Variants in HECTD4 observed in about 807,000 individuals in gnomAD.
The protein encoded by HECTD4 is probable E3 ubiquitin-protein ligase HECTD4.
In HECTD4, 114 loss-of-function variants were observed where a neutral mutation model predicts 471.5. The observed-to-expected ratio is 0.24, with a 90% confidence interval of 0.21 to 0.28. The LOEUF (loss-of-function observed/expected upper bound fraction) is 0.28, where lower values mean the gene tolerates loss of function less well. Among genes scored for constraint, HECTD4 ranks in the 10% least tolerant of loss-of-function variants. The pLI is 1.00. For missense variants in HECTD4, 3,866 were observed against 5,651.5 expected, an observed-to-expected ratio of 0.68 and a Z score of 10.13; for synonymous variants, 2,012 against 2,256.0, an observed-to-expected ratio of 0.89 and a Z score of 3.07.
At chr12:112,313,298 T>C (rs2035407277) in intron 3 of HECTD4, among the ~76,000 whole-genome samples, 151 bp from the exon 4 acceptor site, 1 of 151,900 alleles carries the variant, frequency 6.6e-6, no homozygotes, top group Non-Finnish European at 1.5e-5. Context: ...ACATTTATAG[T>C]ATTTTTATTT....
chr12:112,370,004 C>T (rs1025700583), intron 1 of HECTD4, among the ~76,000 whole-genome samples: 1 of 152,104 alleles, frequency 6.6e-6, no homozygotes, highest in African/African-American at 2.4e-5. Flanking sequence ...AGGGACTTTG[C>T]AGATGTGATT....
chr12:112,209,379 T>G (rs528833002), intron 50 of HECTD4, among the ~76,000 whole-genome samples: 2 of 150,290 alleles, frequency 1.3e-5, no homozygotes, highest in African/African-American at 2.5e-5. Context: ...CAGGCTGGAG[T>G]GCAATGGCAC....
intron 38 of HECTD4, among the ~76,000 whole-genome samples, chr12:112,232,101 C>A (rs2033395504): frequency 6.6e-6 from 1 of 152,056 alleles, no homozygotes; most frequent in Admixed American, 6.6e-5. Context: ...TTTAACCAAT[C>A]CCCTCTTTAT....
At chr12:112,269,956 G>T in intron 12 of HECTD4, 107 bp from the exon 13 acceptor site, 1 of 1,005,344 alleles carries the variant, frequency 9.9e-7, no homozygotes, top group Non-Finnish European at 1.5e-6. Flanking sequence ...ATAACCAGGT[G>T]GATTTTGTTT....
intron 1 of HECTD4, among the ~76,000 whole-genome samples, chr12:112,380,895 C>G (rs1332862805): frequency 6.6e-6 from 1 of 152,146 alleles, no homozygotes; most frequent in African/African-American, 2.4e-5. Context: ...CCAAACTGCA[C>G]GCAAAACCGC....
chr12:112,253,405 G>A (rs918540535), intron 22 of HECTD4, among the ~76,000 whole-genome samples: 3 of 152,190 alleles, frequency 2.0e-5, no homozygotes, highest in African/African-American at 4.8e-5. Flanking sequence ...GACTATAGGC[G>A]TGAGCAGCTG....
At chr12:112,353,509 T>A in intron 1 of HECTD4, among the ~76,000 whole-genome samples, 1 of 152,218 alleles carries the variant, frequency 6.6e-6, no homozygotes, top group East Asian at 1.9e-4. Flanking sequence ...GTTTCAACAA[T>A]GACTGGTTGA....
intron 72 of HECTD4, among the ~76,000 whole-genome samples, chr12:112,164,540 C>T (rs545092155): frequency 6.6e-6 from 1 of 152,162 alleles, no homozygotes; most frequent in African/African-American, 2.4e-5. Context: ...TGGCATGGAC[C>T]GACTATGATG....
rs763174549 is a variant in HECTD4 at position 112,369,340 on chromosome 12, CTTTTTTT to C, written c.177+12605_177+12611del. 3.9e-5 allele frequency among the ~76,000 whole-genome samples: 5 copies of C among 129,232 alleles called. No homozygotes were observed. In the East Asian group the frequency reaches 6.7e-4, roughly 17 times the overall value. The allele number at this position is 129,232 out of a possible 152,430, so 84.8% of individuals were successfully genotyped here. On this transcript the variant is annotated intron_variant, in intron 1 of 75. Transcript: ENST00000682272. ...GCCTTATTAAGCAAACCTAGGATTTCTTTTTTTTTTTTTTTTTTTGAGACAGAGTCTC... is the reference window on the plus strand; with the variant it reads ...GCCTTATTAAGCAAACCTAGGATTTCTTTTTTTTTTTTGAGACAGAGTCTC...
Position 112,192,652 on chromosome 12 carries a change from G to A in HECTD4, c.9200C>T (p.Ala3067Val), listed in dbSNP as rs1389975534. Residue 3067 changes from alanine to valine, a missense_variant, in exon 59 of 76, where the codon GCG becomes GTG. Physicochemically the swap from Ala to Val is moderately conservative, Grantham distance 64. Around this residue, in one of 16 missense-constraint regions of HECTD4, gnomAD observed 364 missense variants for 413.2 expected, o/e 0.88. Transcript: ENST00000682272. ...TGCAAGCCCAGTGTTGGCTGGGGACGCGTCCCGCGGGTAACAGGCGGCCTC... is the reference window on the plus strand; with the variant it reads ...TGCAAGCCCAGTGTTGGCTGGGGACACGTCCCGCGGGTAACAGGCGGCCTC... ...LIEAACYPRD[A>V]SPANTGLAPP... 5 of 1,607,554 alleles carry A rather than the reference G, an allele frequency of 3.1e-6. No homozygotes were observed. Among genetic ancestry groups the A allele is most frequent in the Middle Eastern group, 1.7e-4 (1 of 6,048 alleles).
chr12:112,226,811 A>G, intron 43 of HECTD4, 53 bp from the exon 44 acceptor site: 1 of 1,343,060 alleles, frequency 7.4e-7, no homozygotes, highest in Non-Finnish European at 1.0e-6. Flanking sequence ...TCATTGTCTA[A>G]AAAAGTCAAC....
At position 112,184,751 on chromosome 12, in the gene HECTD4, G is replaced by A. The variant is rs751395706; in HGVS notation, c.10215C>T (p.Pro3405=). ...HSRLLVISGI[P]THLDEGVVRG... is the part of the protein sequence containing the mutation. ...TGACTACGCCCTCGTCCAGGTGGGT[G>A]GGGATCCCGGAGATCACCAGCAAGC... is the stretch of plus-strand genomic sequence containing the variant. Residue 3405 remains proline (P), a synonymous_variant, in exon 61 of 76, where the codon CCC becomes CCT. Coordinates refer to ENST00000682272, the MANE Select transcript of HECTD4 (RefSeq NM_001388303.1). The surrounding 1 kb of genome is among the most constrained non-coding windows in gnomAD (Gnocchi z 9.1). 2 of 1,611,678 alleles carry A rather than the reference G, an allele frequency of 1.2e-6. No homozygotes were observed. Among genetic ancestry groups the A allele is most frequent in the Non-Finnish European group, 1.7e-6 (2 of 1,178,364 alleles).
At chr12:112,208,875 T>C (rs1428633285) in intron 50 of HECTD4, among the ~76,000 whole-genome samples, 2 of 148,912 alleles carry the variant, frequency 1.3e-5, no homozygotes, top group Non-Finnish European at 3.0e-5. Context: ...TCCTTCACTA[T>C]AGATAGAACT....
At chr12:112,365,544 A>G (rs907865118) in intron 1 of HECTD4, among the ~76,000 whole-genome samples, 2 of 152,188 alleles carry the variant, frequency 1.3e-5, no homozygotes, top group African/African-American at 4.8e-5. Context: ...CAATAGCCAC[A>G]TGTGGGTGGT....
rs1430482685 is a variant in HECTD4 at position 112,179,566 on chromosome 12, A to T, written c.10988-169T>A. ...TCCCTCCCTGGGCACAGCCCAGCACATGCCCAGCCTTCCTTGCCGTAAGGT... is the reference window on the plus strand; with the variant it reads ...TCCCTCCCTGGGCACAGCCCAGCACTTGCCCAGCCTTCCTTGCCGTAAGGT... On this transcript the variant is annotated intron_variant, in intron 62 of 75. Coordinates refer to ENST00000682272, the MANE Select transcript of HECTD4 (RefSeq NM_001388303.1). This position sits in a 1 kb window ranked among gnomAD's most constrained non-coding sequence, Gnocchi z 4.3. Among the ~76,000 whole-genome samples, 1 of 152,252 alleles carries T rather than the reference A, an allele frequency of 6.6e-6. No individual in the cohort carries two copies. The highest frequency in any genetic ancestry group is 1.5e-5 in the Non-Finnish European group (1 of 68,042).
At chr12:112,312,955 T>G in intron 4 of HECTD4, 62 bp downstream of exon 4, 1 of 1,380,212 alleles carries the variant, frequency 7.2e-7, no homozygotes, top group Non-Finnish European at 9.9e-7. Context: ...TTTGCTACAG[T>G]GATCTAAAAC....
chr12:112,167,248 G>C, intron 72 of HECTD4, 69 bp downstream of exon 72: 1 of 1,386,700 alleles, frequency 7.2e-7, no homozygotes, highest in Non-Finnish European at 1.0e-6. Flanking sequence ...GGGTCTGCAT[G>C]GAGGCCTAAG....
chr12:112,254,261 TA>T, intron 21 of HECTD4, 99 bp from the exon 22 acceptor site: 1 of 1,412,940 alleles, frequency 7.1e-7, no homozygotes, highest in Non-Finnish European at 9.7e-7. Flanking sequence ...AATACAATTA[TA>T]ACCAGGCATT....
intron 40 of HECTD4, among the ~76,000 whole-genome samples, chr12:112,230,328 T>A (rs114827530): frequency 0.013 from 1,972 of 152,256 alleles, 51 homozygotes; most frequent in African/African-American, 0.045. Flanking sequence ...GCAGTGTAAA[T>A]CACGCAGAGG....
Sources: gnomAD v4.1 joint callset for allele counts (sites outside exome capture counted in the v4.1 genomes callset) on GRCh38, gnomAD v4.1.1 for gene constraint, gnomAD v4.1.1 regional missense constraint, Gnocchi (gnomAD v3.1) non-coding constraint, MANE v1.5 for transcripts, NCBI Gene and HGNC (gene_info 2026-07-23, HGNC 2026-07-21) for gene names.